The following LRRTM4 variants were observed in gnomAD, a reference collection of about 807,000 sequenced individuals.
LRRTM4 encodes leucine-rich repeat transmembrane neuronal protein 4.
In LRRTM4, 25 loss-of-function variants were observed where a neutral mutation model predicts 47.6. The observed-to-expected ratio is 0.53, with a 90% CI of 0.38 to 0.73. The LOEUF (loss-of-function observed/expected upper bound fraction) is 0.73, where lower values mean the gene tolerates loss of function less well. Ranked by LOEUF, LRRTM4 falls within the 30% of genes least tolerant of loss-of-function variation. LRRTM4 has a pLI of 0.00. For synonymous variants in LRRTM4, 311 were observed against 269.5 expected (o/e 1.15, Z -1.51); for missense variants, 638 against 713.4 (o/e 0.89, Z 1.20).
intron 3 of LRRTM4, among the ~76,000 whole-genome samples, chr2:77,353,733 C>T (rs1370464116): frequency 1.3e-5 from 2 of 151,760 alleles, no homozygotes; most frequent in Non-Finnish European, 2.9e-5. Context: ...GTACATGTGT[C>T]CAACCAAATT....
At chr2:77,302,668 G>T (rs992445585) in intron 3 of LRRTM4, among the ~76,000 whole-genome samples, 1 of 152,152 alleles carries the variant, frequency 6.6e-6, no homozygotes. Flanking sequence ...AGGTATTTGT[G>T]CTGGTTATAG....
rs1222587220 is a variant in LRRTM4, at chr2:76,748,403, A to G, written c.*292T>C. ...ACAAACCTATATGTAGCTAGGGTGA[A>G]ATCTATTTTTATAAGAACTTGACAC... is the stretch of plus-strand genomic sequence containing the variant. On this transcript the variant is annotated 3_prime_UTR_variant, in exon 4 of 4. Transcript: ENST00000409884. 1.5e-5 allele frequency: 6 copies of G among 400,414 alleles called. No individual in the cohort carries two copies. The highest frequency in any genetic ancestry group is 2.7e-5 in the Non-Finnish European group (6 of 219,722). The allele number at this position is 400,414 out of a possible 1,614,324, so 24.8% of individuals were successfully genotyped here.
intron 3 of LRRTM4, among the ~76,000 whole-genome samples, chr2:76,916,961 A>G (rs937640182): frequency 1.3e-5 from 2 of 152,212 alleles, no homozygotes; most frequent in Admixed American, 6.5e-5. Flanking sequence ...GTTTAACTCT[A>G]CAGTATGAAA....
At chr2:77,504,939 G>A (rs902904206) in intron 3 of LRRTM4, among the ~76,000 whole-genome samples, 1 of 151,036 alleles carries the variant, frequency 6.6e-6, no homozygotes, top group African/African-American at 2.4e-5. Context: ...CATCCAAAAG[G>A]GGTTCTACAA....
At chr2:77,091,156 T>C (rs1329203424) in intron 3 of LRRTM4, among the ~76,000 whole-genome samples, 1 of 151,952 alleles carries the variant, frequency 6.6e-6, no homozygotes, top group East Asian at 1.9e-4. Flanking sequence ...AACTAAATTA[T>C]CTGCTTCCCT....
At chr2:76,858,488 A>G (rs1461078804) in intron 3 of LRRTM4, among the ~76,000 whole-genome samples, 1 of 152,096 alleles carries the variant, frequency 6.6e-6, no homozygotes, top group African/African-American at 2.4e-5. Flanking sequence ...CAGCTCTCCT[A>G]GGTCCTCGGG....
At chr2:76,764,772 T>G (rs1673392844) in intron 3 of LRRTM4, among the ~76,000 whole-genome samples, 1 of 152,200 alleles carries the variant, frequency 6.6e-6, no homozygotes, top group Admixed American at 6.5e-5. Context: ...TATAGAGCTA[T>G]CCAGCTGCCA....
chr2:76,905,283 G>A (rs1197461803), intron 3 of LRRTM4, among the ~76,000 whole-genome samples: 2 of 152,154 alleles, frequency 1.3e-5, no homozygotes, highest in Non-Finnish European at 2.9e-5. Context: ...ACCTGCGGCT[G>A]AGGGTCCTGT....
intron 3 of LRRTM4, among the ~76,000 whole-genome samples, chr2:76,911,337 T>C (rs1674048178): frequency 6.6e-6 from 1 of 152,202 alleles, no homozygotes; most frequent in Non-Finnish European, 1.5e-5. Context: ...TTAAGTTCAC[T>C]AAGGATTTCT....
rs551004278 is a variant in LRRTM4, at chr2:76,779,894, T to C, written c.1552-30978A>G. ...CATTTTGGCATGATTTTGCAGCGGCTGGTACCGGTTGTTCCTTTCCATGTT... is the reference window on the plus strand; with the variant it reads ...CATTTTGGCATGATTTTGCAGCGGCCGGTACCGGTTGTTCCTTTCCATGTT... On this transcript the variant is annotated intron_variant, in intron 3 of 3. Transcript: ENST00000409884. Among the ~76,000 whole-genome samples the C allele has an allele frequency of 1.1e-3, 172 of 152,068 alleles. 1 individual carries two copies. The highest frequency in any genetic ancestry group is 3.9e-3 in the African/African-American group (161 of 41,534).
intron 3 of LRRTM4, among the ~76,000 whole-genome samples, chr2:77,350,833 T>C (rs1395518885): frequency 6.6e-6 from 1 of 152,172 alleles, no homozygotes; most frequent in Non-Finnish European, 1.5e-5. Flanking sequence ...TACTCAGAAA[T>C]ATGCCATGTA....
chr2:76,779,315 T>A (rs1573087401), intron 3 of LRRTM4, among the ~76,000 whole-genome samples: 2 of 150,668 alleles, frequency 1.3e-5, no homozygotes, highest in East Asian at 3.9e-4. Flanking sequence ...CTGGGTATCC[T>A]TGTTGACTTT....
At chr2:77,083,541 G>A (rs1009563449) in intron 3 of LRRTM4, among the ~76,000 whole-genome samples, 6 of 152,004 alleles carry the variant, frequency 3.9e-5, no homozygotes, top group Non-Finnish European at 5.9e-5. Flanking sequence ...ATGAAAGCTA[G>A]TCCTGAAAAT....
intron 3 of LRRTM4, among the ~76,000 whole-genome samples, chr2:77,221,724 CAA>C (rs1674638540): frequency 6.6e-6 from 1 of 151,964 alleles, no homozygotes; most frequent in Non-Finnish European, 1.5e-5. Context: ...GAGTGACCTA[CAA>C]AGAGACTTAG....
At chr2:76,888,055 G>A (rs1673133936) in intron 3 of LRRTM4, among the ~76,000 whole-genome samples, 1 of 149,610 alleles carries the variant, frequency 6.7e-6, no homozygotes. Flanking sequence ...ATACATATAT[G>A]TGTGTTTGTA....
At chr2:77,364,454 C>T (rs1435711089) in intron 3 of LRRTM4, among the ~76,000 whole-genome samples, 1 of 152,058 alleles carries the variant, frequency 6.6e-6, no homozygotes, top group Admixed American at 6.6e-5. Flanking sequence ...CACTTACAGG[C>T]AAAACCTATT....
intron 3 of LRRTM4, among the ~76,000 whole-genome samples, chr2:77,021,664 C>CTTTAACCA (rs1279131269): frequency 2.0e-5 from 3 of 152,124 alleles, no homozygotes; most frequent in Non-Finnish European, 4.4e-5. Flanking sequence ...CAGCTGAATG[C>CTTTAACCA]AACTGCATGA....
Position 76,974,201 on chromosome 2 carries a change from TATATATATAC to T in LRRTM4, c.1552-225295_1552-225286del, listed in dbSNP as rs1437034997. The stretch of plus-strand genomic sequence containing the variant: ...ATATATACATACATATATATACATA[TATATATATAC>T]ACATATATATACATACATATATATA... On this transcript the variant is annotated intron_variant, in intron 3 of 3. Transcript: ENST00000409884. Among the ~76,000 whole-genome samples, 4 of 70,678 alleles carry T rather than the reference TATATATATAC, an allele frequency of 5.7e-5. 1 individual carries two copies. The highest frequency in any genetic ancestry group is 3.6e-4 in the African/African-American group (4 of 11,024). The allele number at this position is 70,678 out of a possible 152,430, so 46.4% of individuals were successfully genotyped here.
chr2:76,760,455 C>A (rs1458546432), intron 3 of LRRTM4, among the ~76,000 whole-genome samples: 1 of 152,086 alleles, frequency 6.6e-6, no homozygotes, highest in African/African-American at 2.4e-5. Context: ...GGTTTCTGAG[C>A]CAAAGAATGG....
Sources: gnomAD v4.1 joint callset for allele counts (sites outside exome capture counted in the v4.1 genomes callset) on GRCh38, gnomAD v4.1.1 for gene constraint, MANE v1.5 for transcripts, NCBI Gene and HGNC (gene_info 2026-07-23, HGNC 2026-07-21) for gene names.